RARB: variants seen among roughly 807,000 people sequenced by gnomAD.
RARB encodes the protein HBV-activated protein.
Under a neutral mutation model 51.9 loss-of-function variants are expected in RARB, and 17 were observed. The observed-to-expected ratio is 0.33, with a 90% CI of 0.22 to 0.49. The LOEUF is 0.49. Among genes scored for constraint, RARB ranks in the 20% least tolerant of loss-of-function variants. RARB has a pLI of 0.99. For missense variants in RARB, 369 were observed against 550.8 expected, an observed-to-expected ratio of 0.67 and a Z score of 3.30; for synonymous variants, 215 against 195.4, an observed-to-expected ratio of 1.10 and a Z score of -0.84.
chr3:25,385,976 G>C (rs983766606), intron 5 of RARB, among the ~76,000 whole-genome samples: 2 of 152,154 alleles, frequency 1.3e-5, no homozygotes, highest in African/African-American at 4.8e-5. Context: ...AAGCTTGTTT[G>C]TTTGGCATTT....
intron 5 of RARB, among the ~76,000 whole-genome samples, chr3:25,188,300 C>G (rs1383106465): frequency 6.6e-6 from 1 of 152,044 alleles, no homozygotes; most frequent in Non-Finnish European, 1.5e-5. Flanking sequence ...ATAGTAGGTG[C>G]TCACTAAATG....
intron 2 of RARB, among the ~76,000 whole-genome samples, chr3:24,965,969 T>C (rs928258839): frequency 2.0e-5 from 3 of 152,156 alleles, no homozygotes; most frequent in African/African-American, 7.2e-5. Context: ...CTTAGTTTTG[T>C]ATTAGAAAAA....
intron 2 of RARB, among the ~76,000 whole-genome samples, chr3:24,865,915 A>G (rs75892514): frequency 1.4e-3 from 212 of 152,236 alleles, no homozygotes; most frequent in African/African-American, 4.8e-3. Flanking sequence ...TTTTATTTTT[A>G]TGCCATAATA....
At chr3:24,985,900 G>T (rs924088923) in intron 2 of RARB, among the ~76,000 whole-genome samples, 1 of 152,184 alleles carries the variant, frequency 6.6e-6, no homozygotes, top group Non-Finnish European at 1.5e-5. Flanking sequence ...CGAACAGAAA[G>T]GACAGGACAG....
chr3:25,048,393 CTTAA>C (rs1229292119), intron 2 of RARB, among the ~76,000 whole-genome samples: 1 of 152,164 alleles, frequency 6.6e-6, no homozygotes, highest in Non-Finnish European at 1.5e-5. Flanking sequence ...TATATGATAT[CTTAA>C]TTAAGTACAC....
intron 3 of RARB, among the ~76,000 whole-genome samples, chr3:25,518,452 C>T (rs1429936221): frequency 6.6e-6 from 1 of 151,970 alleles, no homozygotes; most frequent in Non-Finnish European, 1.5e-5. Context: ...TTTAGGATGT[C>T]CTTGACATTT....
At chr3:24,959,519 G>T (rs908354297) in intron 2 of RARB, among the ~76,000 whole-genome samples, 35 of 152,266 alleles carry the variant, frequency 2.3e-4, no homozygotes, top group African/African-American at 7.0e-4. Flanking sequence ...GGAGTGGGGC[G>T]GGGTAGGCCA....
At chr3:24,988,185 G>A (rs1186639938) in intron 2 of RARB, among the ~76,000 whole-genome samples, 1 of 152,092 alleles carries the variant, frequency 6.6e-6, no homozygotes, top group Non-Finnish European at 1.5e-5. Flanking sequence ...GCATTTATCT[G>A]TATATTGTTG....
chr3:24,913,239 C>T (rs1007287703), intron 2 of RARB, among the ~76,000 whole-genome samples: 1 of 151,842 alleles, frequency 6.6e-6, no homozygotes, highest in Non-Finnish European at 1.5e-5. Flanking sequence ...CCACCTTGGC[C>T]TCCCAAAGTG....
chr3:25,468,427 C>G (rs1336238170), intron 2 of RARB, among the ~76,000 whole-genome samples: 1 of 141,622 alleles, frequency 7.1e-6, no homozygotes, highest in Middle Eastern at 3.9e-3. Context: ...CTCACAACAG[C>G]TCTGCAAGGT....
At chr3:25,195,232 T>C (rs1196793551) in intron 5 of RARB, among the ~76,000 whole-genome samples, 1 of 152,034 alleles carries the variant, frequency 6.6e-6, no homozygotes, top group Admixed American at 6.6e-5. Flanking sequence ...TATCCATTTC[T>C]TGGGAGCCTA....
chr3:25,198,075 C>T (rs1333765374), intron 5 of RARB, among the ~76,000 whole-genome samples: 4 of 151,938 alleles, frequency 2.6e-5, no homozygotes, highest in Admixed American at 6.6e-5. Flanking sequence ...CAAGAACAGA[C>T]ATATAGACCT....
chr3:25,461,368 T>C, intron 2 of RARB, 27 bp downstream of exon 2: 3 of 1,608,042 alleles, frequency 1.9e-6, no homozygotes, highest in Non-Finnish European at 2.5e-6. Flanking sequence ...CTGTGCCTGA[T>C]GAACTCTCAT....
At chr3:25,372,076 T>C (rs1706316985) in intron 5 of RARB, among the ~76,000 whole-genome samples, 1 of 152,218 alleles carries the variant, frequency 6.6e-6, no homozygotes, top group Admixed American at 6.5e-5. Flanking sequence ...CCAAGAAGCA[T>C]GTGGGACCAC....
At chr3:25,225,657 TGAGA>T (rs1290228898) in intron 5 of RARB, among the ~76,000 whole-genome samples, 2 of 151,924 alleles carry the variant, frequency 1.3e-5, no homozygotes, top group African/African-American at 2.4e-5. Context: ...ATGTTAAAAG[TGAGA>T]GAGAATTTTA....
chr3:25,587,453 T>G (rs1259159582), intron 5 of RARB, among the ~76,000 whole-genome samples: 2 of 152,236 alleles, frequency 1.3e-5, no homozygotes, highest in African/African-American at 4.8e-5. Flanking sequence ...GATTACATGT[T>G]GAAACAAAAA....
intron 2 of RARB, among the ~76,000 whole-genome samples, chr3:25,007,599 A>AAAAAAAAAAAAAAAAAC (rs1263685045): frequency 1.4e-5 from 2 of 143,528 alleles, no homozygotes; most frequent in Non-Finnish European, 3.0e-5. Flanking sequence ...TCTCAAAAAA[A>AAAAAAAAAAAAAAAAAC]AAAAACAAAA....
chr3:24,997,089 A>G (rs1022617613), intron 2 of RARB, among the ~76,000 whole-genome samples: 9 of 152,228 alleles, frequency 5.9e-5, no homozygotes, highest in Non-Finnish European at 2.9e-5. Flanking sequence ...ATTGAGGTCT[A>G]TCTCTCACTT....
At position 25,597,469 on chromosome 3, in the gene RARB, T is replaced by TGTTAA. The variant is rs200244003; in HGVS notation, c.*857_*861dup. 3.8e-3 allele frequency: 586 copies of TGTTAA among 152,752 alleles called. 10 individuals carry two copies. The highest frequency in any genetic ancestry group is 2.1e-3 in the African/African-American group (87 of 41,576). 9.5% of individuals were successfully genotyped at this position (152,752 alleles called of 1,614,324 possible). A position where few individuals can be genotyped will look rare whatever the true frequency, so the allele number is the denominator to read the frequency against. On this transcript the variant is annotated 3_prime_UTR_variant, in exon 8 of 8. Coordinates refer to ENST00000330688, the MANE Select transcript of RARB (RefSeq NM_000965.5). Reference sequence around the variant, plus strand: ...CCTCCAAGGCAGAAACACTTTTCAGTGTTAAGTTTTTGTTTACTTGTTCAC... The same window carrying TGTTAA: ...CCTCCAAGGCAGAAACACTTTTCAGTGTTAAGTTAAGTTTTTGTTTACTTGTTCAC...
Sources: gnomAD v4.1 joint callset for allele counts (sites outside exome capture counted in the v4.1 genomes callset) on GRCh38, gnomAD v4.1.1 for gene constraint, MANE v1.5 for transcripts, NCBI Gene and HGNC (gene_info 2026-07-23, HGNC 2026-07-21) for gene names.